Variants in CSMD1 observed in about 807,000 individuals in gnomAD.
The protein encoded by CSMD1 is CUB and Sushi multiple domains 1.
In CSMD1, 213 loss-of-function variants were observed where a neutral mutation model predicts 417.5. That is an observed-to-expected ratio of 0.51 (90% CI 0.46 to 0.57). The LOEUF (loss-of-function observed/expected upper bound fraction) is 0.57, where lower values mean the gene tolerates loss of function less well. CSMD1 is among the 20% of genes least tolerant of loss of function. The probability of loss-of-function intolerance (pLI) is 0.00; values close to 1 mark genes in which losing one functional copy is unlikely to be tolerated. For missense variants in CSMD1, 6,923 were observed against 4,529.7 expected (o/e 1.53, Z -15.17); for synonymous variants, 2,862 against 1,736.8 (o/e 1.65, Z -16.11).
intron 26 of CSMD1, among the ~76,000 whole-genome samples, chr8:3,273,614 G>C (rs1802041454): frequency 6.6e-6 from 1 of 152,186 alleles, no homozygotes; most frequent in Non-Finnish European, 1.5e-5. Flanking sequence ...TTCAGCTCCT[G>C]TTTTTGGTCT....
Position 4,301,430 on chromosome 8 carries a change from T to G in CSMD1, c.415+118523A>C, listed in dbSNP as rs114262248. ...AGGATGGTACTGGGAAAGATATGTT[T>G]TATCTCCTGTAACAACTCTTCAGAG... On this transcript the variant is annotated intron_variant, in intron 3 of 69. Transcript: ENST00000635120. 1.3e-3 allele frequency among the ~76,000 whole-genome samples: 199 copies of G among 152,308 alleles called. 1 individual carries two copies. The highest frequency in any genetic ancestry group is 4.5e-3 in the African/African-American group (187 of 41,564).
intron 3 of CSMD1, among the ~76,000 whole-genome samples, chr8:4,161,469 C>G (rs1163225757): frequency 6.6e-6 from 1 of 152,142 alleles, no homozygotes; most frequent in Non-Finnish European, 1.5e-5. Context: ...ATGGCTTACT[C>G]AAGGTCATGC....
intron 3 of CSMD1, among the ~76,000 whole-genome samples, chr8:4,345,754 G>A (rs148068955): frequency 6.6e-6 from 1 of 152,024 alleles, no homozygotes; most frequent in Non-Finnish European, 1.5e-5. Context: ...ACTATAATGT[G>A]CTATCATCTC....
intron 46 of CSMD1, among the ~76,000 whole-genome samples, chr8:3,097,882 G>A (rs1815435170): frequency 6.6e-6 from 1 of 152,308 alleles, no homozygotes; most frequent in South Asian, 2.1e-4. Context: ...CATCTCAGCA[G>A]GAGCCCTGAT....
chr8:3,188,893 T>C lies in CSMD1; in HGVS notation c.5517A>G (p.Gly1839=). Residue 1839 remains glycine (G), a synonymous_variant, in exon 35 of 70, where the codon GGA becomes GGG. Coordinates refer to ENST00000635120, the MANE Select transcript of CSMD1 (RefSeq NM_033225.6). Reference sequence around the variant, plus strand: ...GTGGACTTCAAGGACTCACCTGAATTCCCGAGCCCTCCGTAACTATGATCT... The same window carrying C: ...GTGGACTTCAAGGACTCACCTGAATCCCCGAGCCCTCCGTAACTATGATCT... ...IWKIIVTEGS[G]IQIQVISFAT... is the part of the protein sequence containing the mutation. 1.3e-6 allele frequency: 2 copies of C among 1,565,470 alleles called. No homozygotes were observed. The highest frequency in any genetic ancestry group is 1.7e-6 in the Non-Finnish European group (2 of 1,154,674).
At chr8:3,375,340 T>A (rs565908158) in intron 18 of CSMD1, 54 of 152,336 alleles carry the variant, frequency 3.5e-4, no homozygotes, top group Admixed American at 3.2e-3. Flanking sequence ...TGCCTCTTCC[T>A]CAAAGAGATC....
At chr8:3,509,694 A>T (rs914561769) in intron 10 of CSMD1, among the ~76,000 whole-genome samples, 6 of 152,220 alleles carry the variant, frequency 3.9e-5, no homozygotes, top group African/African-American at 1.4e-4. Flanking sequence ...AATCATCTTC[A>T]ACTGCAGGGC....
intron 6 of CSMD1, among the ~76,000 whole-genome samples, chr8:3,712,040 A>G (rs1363856833): frequency 1.3e-5 from 2 of 152,196 alleles, no homozygotes; most frequent in Non-Finnish European, 2.9e-5. Flanking sequence ...CAAGTGTTTG[A>G]TGCTCTGTAA....
intron 3 of CSMD1, among the ~76,000 whole-genome samples, chr8:4,392,629 G>A (rs1381271242): frequency 6.6e-6 from 1 of 151,572 alleles, no homozygotes; most frequent in Non-Finnish European, 1.5e-5. Context: ...AAAGAGCAGG[G>A]GTTTTTTGGG....
At chr8:3,903,825 C>G (rs929401350) in intron 5 of CSMD1, among the ~76,000 whole-genome samples, 1 of 152,134 alleles carries the variant, frequency 6.6e-6, no homozygotes, top group African/African-American at 2.4e-5. Context: ...TTTCTTCGAG[C>G]TCTGAGGTCT....
intron 3 of CSMD1, among the ~76,000 whole-genome samples, chr8:4,093,915 G>A (rs1405577194): frequency 5.3e-5 from 8 of 152,066 alleles, no homozygotes; most frequent in African/African-American, 1.4e-4. Context: ...AGCCCAGATT[G>A]CGCCATTACG....
At chr8:4,128,848 G>C (rs1204869264) in intron 3 of CSMD1, among the ~76,000 whole-genome samples, 1 of 152,038 alleles carries the variant, frequency 6.6e-6, no homozygotes. Context: ...TTATTGGTAA[G>C]TGTTACAGGC....
intron 3 of CSMD1, among the ~76,000 whole-genome samples, chr8:4,258,734 G>A (rs550531176): frequency 2.0e-5 from 3 of 152,144 alleles, no homozygotes; most frequent in South Asian, 4.1e-4. Context: ...ACACAGCAAT[G>A]TATGAGGACA....
intron 37 of CSMD1, among the ~76,000 whole-genome samples, chr8:3,178,987 A>G (rs563261904): frequency 2.1e-3 from 301 of 145,086 alleles, no homozygotes; most frequent in Middle Eastern, 0.015. Flanking sequence ...TCACTCTGTC[A>G]CCCAGGCTGG....
chr8:4,703,941 G>A (rs1005577660), intron 1 of CSMD1, among the ~76,000 whole-genome samples: 1 of 152,116 alleles, frequency 6.6e-6, no homozygotes, highest in African/African-American at 2.4e-5. Context: ...CTCACAAGTA[G>A]CACACAACCT....
At chr8:4,424,030 A>G (rs1388968203) in intron 2 of CSMD1, among the ~76,000 whole-genome samples, 2 of 152,084 alleles carry the variant, frequency 1.3e-5, no homozygotes, top group African/African-American at 4.8e-5. Flanking sequence ...TTAACACCTT[A>G]TATAAAAATT....
intron 10 of CSMD1, among the ~76,000 whole-genome samples, chr8:3,500,960 A>G (rs1796575539): frequency 6.6e-6 from 1 of 152,256 alleles, no homozygotes; most frequent in Non-Finnish European, 1.5e-5. Context: ...GAATGATTCA[A>G]TAAGTATATA....
chr8:4,079,139 T>G (rs1477433156), intron 3 of CSMD1, among the ~76,000 whole-genome samples: 2 of 151,698 alleles, frequency 1.3e-5, no homozygotes, highest in Admixed American at 6.6e-5. Context: ...AACTACTGGA[T>G]CATATAAAAG....
At chr8:4,022,030 G>A (rs529211893) in intron 4 of CSMD1, among the ~76,000 whole-genome samples, 2 of 151,424 alleles carry the variant, frequency 1.3e-5, no homozygotes, top group African/African-American at 4.8e-5. Flanking sequence ...GAAAGTCCAG[G>A]TGCCTATATT....
Sources: gnomAD v4.1 joint callset for allele counts (sites outside exome capture counted in the v4.1 genomes callset) on GRCh38, gnomAD v4.1.1 for gene constraint, MANE v1.5 for transcripts, NCBI Gene and HGNC (gene_info 2026-07-23, HGNC 2026-07-21) for gene names.